The following NEB variants were observed in gnomAD, a reference collection of about 807,000 sequenced individuals.
The protein encoded by NEB is nemaline myopathy type 2.
Under a neutral mutation model 952.2 loss-of-function variants are expected in NEB, and 512 were observed. The observed-to-expected ratio is 0.54, with a 90% CI of 0.50 to 0.58. NEB has a LOEUF of 0.58. NEB is among the 20% of genes least tolerant of loss of function. The pLI, the probability that NEB is intolerant of heterozygous loss-of-function variation, is 0.00. For missense variants in NEB, 8,428 were observed against 9,231.1 expected, an observed-to-expected ratio of 0.91 and a Z score of 3.56; for synonymous variants, 2,900 against 3,149.8, an observed-to-expected ratio of 0.92 and a Z score of 2.66.
chr2:151,663,136 T>C (rs2099166213), intron 45 of NEB, among the ~76,000 whole-genome samples: 1 of 152,196 alleles, frequency 6.6e-6, no homozygotes. Context: ...AATTGCAAAG[T>C]TAGAAGTGGT....
intron 63 of NEB, among the ~76,000 whole-genome samples, chr2:151,639,016 C>CA (rs1035198437): frequency 9.2e-5 from 14 of 151,914 alleles, no homozygotes; most frequent in African/African-American, 2.9e-4. Flanking sequence ...ATCCTAACTT[C>CA]AAAAAAATAA....
chr2:151,663,696 G>A lies in NEB; in HGVS notation c.5615C>T (p.Pro1872Leu), dbSNP rs760925535. ...TGCCACCACACTGAGCATGTCCACCGGGGTGTGGAAGGAGGTCTTGGATTT... is the reference window on the plus strand; with the variant it reads ...TGCCACCACACTGAGCATGTCCACCAGGGTGTGGAAGGAGGTCTTGGATTT... ...YEKSKTSFHT[P>L]VDMLSVVAAK... Residue 1872 changes from proline to leucine, a missense_variant, in exon 45 of 182, where the codon CCG becomes CTG. By Grantham distance (98) the Pro-to-Leu change is moderately conservative. This residue lies in a region of NEB where 2,851 missense variants were observed against 2,791.5 expected (regional missense o/e 1.02). Transcript: ENST00000397345. 24 of 1,613,618 alleles carry A rather than the reference G, an allele frequency of 1.5e-5. No homozygotes were observed. Among genetic ancestry groups the A allele is most frequent in the African/African-American group, 2.7e-5 (2 of 74,898 alleles).
chr2:151,665,513 A>G lies in NEB; in HGVS notation c.5058T>C (p.Asn1686=), dbSNP rs374877131. ...GCACCCAGCCGATCCCTTTCATCCA[A>G]TTGGTGAAGTCAGATTTGTACAGAT... ...SDNLYKSDFT[N]WMKGIGWVPI... The change falls in exon 42 of 182, where the codon AAT becomes AAC. Residue 1686 remains asparagine, a synonymous_variant. Coordinates refer to ENST00000397345, the MANE Select transcript of NEB (RefSeq NM_001164508.2). 3.1e-6 allele frequency: 5 copies of G among 1,609,122 alleles called. No homozygotes were observed. Among genetic ancestry groups the G allele is most frequent in the South Asian group, 2.2e-5 (2 of 89,828 alleles).
rs918014942 is a variant in NEB at position 151,653,629 on chromosome 2, T to C, written c.6915+363A>G. On this transcript the variant is annotated intron_variant, in intron 52 of 181. Coordinates refer to ENST00000397345, the MANE Select transcript of NEB (RefSeq NM_001164508.2). ...ATCTATCAGCATCAGTTTGTTGAGGTTGATTTATCATCTGGCACTTTGAAT... is the reference window on the plus strand; with the variant it reads ...ATCTATCAGCATCAGTTTGTTGAGGCTGATTTATCATCTGGCACTTTGAAT... 2.6e-5 allele frequency among the ~76,000 whole-genome samples: 4 copies of C among 152,330 alleles called. 1 individual carries two copies. Among genetic ancestry groups the C allele is most frequent in the Non-Finnish European group, 1.5e-5 (1 of 68,016 alleles).
At chr2:151,528,282 C>A (rs190566569) in intron 146 of NEB, among the ~76,000 whole-genome samples, 53 of 152,296 alleles carry the variant, frequency 3.5e-4, no homozygotes, top group African/African-American at 1.3e-3. Context: ...CACTATTAGG[C>A]ACATTTCTTT....
At chr2:151,652,506 G>A (rs546128271) in intron 52 of NEB, among the ~76,000 whole-genome samples, 57 of 152,210 alleles carry the variant, frequency 3.7e-4, no homozygotes, top group Middle Eastern at 3.4e-3. Flanking sequence ...ATTATGGGAC[G>A]GGGCCACTGC....
Position 151,679,910 on chromosome 2 carries a change from C to T in NEB, c.3147+8G>A, listed in dbSNP as rs774777020. 5 of 1,609,274 alleles carry T rather than the reference C, an allele frequency of 3.1e-6. No homozygotes were observed. Among genetic ancestry groups the T allele is most frequent in the Non-Finnish European group, 3.4e-6 (4 of 1,175,616 alleles). The stretch of plus-strand genomic sequence containing the variant: ...CATACGCATCAGCCCGTGAGTCCAC[C>T]CACGCACCTCACTGATATTGTAGGC... On this transcript the variant is annotated splice_region_variant and intron_variant, in intron 31 of 181. Coordinates refer to ENST00000397345, the MANE Select transcript of NEB (RefSeq NM_001164508.2).
Position 151,633,942 on chromosome 2 carries a change from G to A in NEB, c.9126C>T (p.Cys3042=), listed in dbSNP as rs373453206. The change falls in exon 65 of 182, where the codon TGC becomes TGT. Residue 3042 remains cysteine, a synonymous_variant. Transcript: ENST00000397345. ...ISDYKYKDGY[C]KQLGHHIGAR... ...CTCCAATATGGTGGCCAAGTTGCTT[G>A]CAGTAACCATCTTTATATTTGTACT... 4.0e-4 allele frequency: 646 copies of A among 1,613,232 alleles called. 1 individual carries two copies. Among genetic ancestry groups the A allele is most frequent in the Non-Finnish European group, 4.9e-4 (581 of 1,179,454 alleles).
At chr2:151,730,377 G>T (rs747680799) in intron 3 of NEB, among the ~76,000 whole-genome samples, 32 of 152,094 alleles carry the variant, frequency 2.1e-4, no homozygotes, top group Non-Finnish European at 4.0e-4. Context: ...ATCATGGCCT[G>T]CATGATGGAT....
rs562368741 is a variant in NEB, at chr2:151,641,941, C to T, written c.8373+633G>A. On this transcript the variant is annotated intron_variant, in intron 60 of 181. Transcript: ENST00000397345. ...AACTGATCATTTACGTTAGGTATAT[C>T]TCCTAATGCTATCCCTCCTCCCTCC... Among the ~76,000 whole-genome samples the T allele has an allele frequency of 2.6e-5, 4 of 152,218 alleles. No homozygotes were observed. The South Asian group carries it at 8.3e-4, about 32-fold the overall frequency.
intron 141 of NEB, among the ~76,000 whole-genome samples, chr2:151,536,774 G>A (rs1039174577): frequency 1.3e-5 from 2 of 152,148 alleles, no homozygotes; most frequent in South Asian, 2.1e-4. Context: ...AAAACTAGGT[G>A]GTTTGCCCCA....
At chr2:151,574,256 G>A (rs2096752255) in intron 107 of NEB, among the ~76,000 whole-genome samples, 1 of 152,214 alleles carries the variant, frequency 6.6e-6, no homozygotes, top group Non-Finnish European at 1.5e-5. Context: ...TTACAGGCGT[G>A]AGCCATCGCG....
In NEB at chr2:151,555,155, G is replaced by T. The variant is rs768818897; in HGVS notation, c.19315-111C>A. 8.4e-6 allele frequency: 6 copies of T among 718,042 alleles called. No individual in the cohort carries two copies. The East Asian group carries it at 1.6e-4, about 19-fold the overall frequency. The allele number at this position is 718,042 out of a possible 1,614,324, so 44.5% of individuals were successfully genotyped here. A position where few individuals can be genotyped will look rare whatever the true frequency, so the allele number is the denominator to read the frequency against. On this transcript the variant is annotated intron_variant, in intron 124 of 181. Transcript: ENST00000397345. ...AACCCGACTCTGAGATCCACCCAGC[G>T]TTGGGGACAACACTTCTCTGAACTC...
In NEB at chr2:151,646,253, A is replaced by G. The variant is rs747759738; in HGVS notation, c.7432-19T>C. 3.9e-6 allele frequency: 6 copies of G among 1,521,610 alleles called. No homozygotes were observed. The highest frequency in any genetic ancestry group is 3.4e-4 in the Middle Eastern group (2 of 5,890). 94.3% of individuals were successfully genotyped at this position (1,521,610 alleles called of 1,614,324 possible). On this transcript the variant is annotated intron_variant, in intron 54 of 181. Transcript: ENST00000397345. ...AAAGTCTCTAAAATAAGAAATAATA[A>G]TTTTTCAGTGGTGTTGTTAGATTAG... is the stretch of plus-strand genomic sequence containing the variant.
rs574519394 is a variant in NEB at position 151,674,163 on chromosome 2, G to A, written c.3987+314C>T. Among the ~76,000 whole-genome samples, 6 of 152,176 alleles carry A rather than the reference G, an allele frequency of 3.9e-5. No individual in the cohort carries two copies. In the South Asian group the frequency reaches 1.2e-3, roughly 32 times the overall value. Reference sequence around the variant, plus strand: ...ATGCAGGCAGTCATTTGAATTTAATGTGGTAATGTCAGTCAGGGTGTTCCC... The same window carrying A: ...ATGCAGGCAGTCATTTGAATTTAATATGGTAATGTCAGTCAGGGTGTTCCC... On this transcript the variant is annotated intron_variant, in intron 36 of 181. Coordinates refer to ENST00000397345, the MANE Select transcript of NEB (RefSeq NM_001164508.2).
At chr2:151,664,314 C>T (rs1426238705) in intron 44 of NEB, among the ~76,000 whole-genome samples, 187 bp downstream of exon 44, 2 of 152,204 alleles carry the variant, frequency 1.3e-5, no homozygotes, top group African/African-American at 4.8e-5. Flanking sequence ...TCAGTCACTA[C>T]TTACATTAAA....
At chr2:151,672,955 CTT>C (rs1188590920) in intron 36 of NEB, among the ~76,000 whole-genome samples, 1 of 152,214 alleles carries the variant, frequency 6.6e-6, no homozygotes, top group Non-Finnish European at 1.5e-5. Context: ...AATTTTCACA[CTT>C]AATATGAACA....
At position 151,653,992 on chromosome 2, in the gene NEB, A is replaced by G; in HGVS notation, c.6915T>C (p.Asp2305=). The change falls in exon 52 of 182, where the codon GAT becomes GAC. Residue 2305 remains aspartate (D), a splice_region_variant and synonymous_variant. Transcript: ENST00000397345. ...LAKASRDIAS[D]YKYKQGYRKQ... Reference sequence around the variant, plus strand: ...TTATAGAACTCAAACTAGTACTCACATCACTAGCAATGTCTCTTGAAGCTT... The same window carrying G: ...TTATAGAACTCAAACTAGTACTCACGTCACTAGCAATGTCTCTTGAAGCTT... 1.9e-6 allele frequency: 3 copies of G among 1,605,388 alleles called. No homozygotes were observed. Among genetic ancestry groups the G allele is most frequent in the Non-Finnish European group, 2.6e-6 (3 of 1,172,570 alleles).
At chr2:151,623,344 T>C (rs1278427479) in intron 71 of NEB, among the ~76,000 whole-genome samples, 1 of 152,162 alleles carries the variant, frequency 6.6e-6, no homozygotes, top group Admixed American at 6.5e-5. Context: ...TCTATAAAGC[T>C]TTATCATCCC....
Sources: allele counts gnomAD v4.1 joint callset (sites outside exome capture counted in the v4.1 genomes callset), GRCh38; gene constraint gnomAD v4.1.1; regional missense constraint gnomAD v4.1.1; transcripts MANE v1.5; gene names NCBI Gene and HGNC (gene_info 2026-07-23, HGNC 2026-07-21).